The following GALNT17 variants were observed in gnomAD, a reference collection of about 807,000 sequenced individuals.
GALNT17 encodes polypeptide N-acetylgalactosaminyltransferase 17, also known as UDP-GalNAc:polypeptide N-acetylgalactosaminyltransferase-like 3.
GALNT17 carries 29 observed loss-of-function variants against 63.7 expected under a neutral mutation model. The observed-to-expected ratio is 0.46, with a 90% CI of 0.34 to 0.62. The LOEUF is 0.62. Ranked by LOEUF, GALNT17 falls within the 20% of genes least tolerant of loss-of-function variation. The pLI is 0.01. For missense variants in GALNT17, 603 were observed against 799.6 expected (o/e 0.75, Z 2.97); for synonymous variants, 305 against 318.3 (o/e 0.96, Z 0.45).
chr7:71,255,621 A>G (rs774012735), intron 1 of GALNT17, among the ~76,000 whole-genome samples: 2 of 152,156 alleles, frequency 1.3e-5, no homozygotes, highest in Non-Finnish European at 2.9e-5. Flanking sequence ...TAACCTGGAA[A>G]ATGCTTGTGA....
chr7:71,135,148 G>A (rs1787759659), intron 1 of GALNT17, among the ~76,000 whole-genome samples: 1 of 152,050 alleles, frequency 6.6e-6, no homozygotes, highest in African/African-American at 2.4e-5. Flanking sequence ...CACCATGCCT[G>A]GCCCCAGTAT....
intron 5 of GALNT17, among the ~76,000 whole-genome samples, chr7:71,433,982 G>C (rs999131755): frequency 6.6e-6 from 1 of 152,172 alleles, no homozygotes; most frequent in Non-Finnish European, 1.5e-5. Context: ...GATTGGCTGA[G>C]TCTTCTGGCC....
Position 71,245,181 on chromosome 7 carries a change from G to A in GALNT17, c.239-90369G>A, listed in dbSNP as rs151238992. On this transcript the variant is annotated intron_variant, in intron 1 of 10. Transcript: ENST00000333538. ...ATCTGCCCTCGTCCTCCATCCACTC[G>A]CTTGGTGGAGCCTTTGTCATTGTCG... 3.7e-3 allele frequency among the ~76,000 whole-genome samples: 564 copies of A among 152,122 alleles called. 7 individuals are homozygous for A. The highest frequency in any genetic ancestry group is 0.013 in the African/African-American group (552 of 41,494).
chr7:71,352,525 A>G (rs1042041821), intron 2 of GALNT17, among the ~76,000 whole-genome samples: 6 of 152,180 alleles, frequency 3.9e-5, no homozygotes, highest in Non-Finnish European at 7.3e-5. Context: ...TAAGAATTCT[A>G]CTTGGGATTT....
At chr7:71,599,408 G>A (rs1789933226) in intron 6 of GALNT17, among the ~76,000 whole-genome samples, 1 of 152,166 alleles carries the variant, frequency 6.6e-6, no homozygotes, top group African/African-American at 2.4e-5. Context: ...GTCTGAGCAG[G>A]GCCTGTGAGC....
chr7:71,604,040 G>C (rs1790009371), intron 6 of GALNT17, among the ~76,000 whole-genome samples: 1 of 152,024 alleles, frequency 6.6e-6, no homozygotes, highest in Admixed American at 6.6e-5. Context: ...CAGGTCCTAT[G>C]CTAAGTGCCT....
intron 9 of GALNT17, among the ~76,000 whole-genome samples, chr7:71,688,830 C>T (rs1391372434): frequency 2.0e-5 from 3 of 152,004 alleles, no homozygotes; most frequent in African/African-American, 4.8e-5. Flanking sequence ...ACAGGCATAC[C>T]TCATTTCATA....
intron 1 of GALNT17, among the ~76,000 whole-genome samples, chr7:71,167,045 CTTTTTTTTTTTT>C (rs35735311): frequency 8.7e-5 from 10 of 115,486 alleles, no homozygotes; most frequent in Non-Finnish European, 1.6e-4. Flanking sequence ...TGGCTAAGTA[CTTTTTTTTTTTT>C]TTTTTTTTTT....
intron 1 of GALNT17, among the ~76,000 whole-genome samples, chr7:71,242,162 C>T (rs1790007011): frequency 6.6e-6 from 1 of 151,694 alleles, no homozygotes; most frequent in Non-Finnish European, 1.5e-5. Flanking sequence ...ATGAGGAGGG[C>T]ACCAAGCCAT....
chr7:71,543,311 G>C (rs758730127), intron 5 of GALNT17, among the ~76,000 whole-genome samples: 1 of 152,152 alleles, frequency 6.6e-6, no homozygotes, highest in Non-Finnish European at 1.5e-5. Context: ...CCAATATTAT[G>C]ACACTAGGTT....
rs571933243 is a variant in GALNT17 at position 71,440,101 on chromosome 7, C to T, written c.962+18996C>T. Among the ~76,000 whole-genome samples, 4 of 151,558 alleles carry T rather than the reference C, an allele frequency of 2.6e-5. No individual in the cohort carries two copies. The East Asian group carries it at 7.8e-4, about 30-fold the overall frequency. The stretch of plus-strand genomic sequence containing the variant: ...GCGCCACCACGCCTGGCTAATTTTT[C>T]GTATTTTTAGTAGGGGCAGGATTTC... On this transcript the variant is annotated intron_variant, in intron 5 of 10. Coordinates refer to ENST00000333538, the MANE Select transcript of GALNT17 (RefSeq NM_022479.3).
At chr7:71,515,456 C>A (rs1788429837) in intron 5 of GALNT17, among the ~76,000 whole-genome samples, 1 of 152,210 alleles carries the variant, frequency 6.6e-6, no homozygotes, top group Non-Finnish European at 1.5e-5. Context: ...CTGTCTTTTA[C>A]TTTCTCCTGA....
chr7:71,209,705 A>G (rs1238583017), intron 1 of GALNT17, among the ~76,000 whole-genome samples: 1 of 151,886 alleles, frequency 6.6e-6, no homozygotes, highest in Non-Finnish European at 1.5e-5. Context: ...CATATTGCCT[A>G]TATTAGTCCG....
rs981706766 is a variant in GALNT17, at chr7:71,191,013, C to A, written c.238+57973C>A. Reference sequence around the variant, plus strand: ...GGCCCGGTTCAGAGGTAAGATCCTGCCCTTGTGTTTCTTGGAATTTTTTTC... The same window carrying A: ...GGCCCGGTTCAGAGGTAAGATCCTGACCTTGTGTTTCTTGGAATTTTTTTC... On this transcript the variant is annotated intron_variant, in intron 1 of 10. Coordinates refer to ENST00000333538, the MANE Select transcript of GALNT17 (RefSeq NM_022479.3). Among the ~76,000 whole-genome samples the A allele has an allele frequency of 2.6e-5, 4 of 152,202 alleles. No homozygotes were observed. In the East Asian group the frequency reaches 7.7e-4, roughly 29 times the overall value.
At chr7:71,165,556 G>A (rs1788425036) in intron 1 of GALNT17, among the ~76,000 whole-genome samples, 1 of 152,150 alleles carries the variant, frequency 6.6e-6, no homozygotes, top group Non-Finnish European at 1.5e-5. Context: ...CACGACAATA[G>A]CACCGGAAAG....
At chr7:71,443,339 G>A (rs1787102082) in intron 5 of GALNT17, among the ~76,000 whole-genome samples, 1 of 152,080 alleles carries the variant, frequency 6.6e-6, no homozygotes, top group Admixed American at 6.6e-5. Context: ...CTGTTTCTCT[G>A]TAGAGTTAGG....
chr7:71,428,403 A>G (rs1247809646), intron 5 of GALNT17, among the ~76,000 whole-genome samples: 1 of 151,424 alleles, frequency 6.6e-6, no homozygotes, highest in Non-Finnish European at 1.5e-5. Context: ...AGGTTCATTC[A>G]TGCATCAGAA....
At chr7:71,582,623 A>G (rs2116901759) in intron 6 of GALNT17, among the ~76,000 whole-genome samples, 1 of 152,262 alleles carries the variant, frequency 6.6e-6, no homozygotes, top group South Asian at 2.1e-4. Flanking sequence ...ATACAATGGA[A>G]TACTACTCGG....
intron 5 of GALNT17, among the ~76,000 whole-genome samples, chr7:71,468,866 T>C (rs2116607042): frequency 6.6e-6 from 1 of 152,316 alleles, no homozygotes; most frequent in South Asian, 2.1e-4. Context: ...ATTTGCTCAA[T>C]AAAAAATTTG....
Sources: allele counts gnomAD v4.1 joint callset (sites outside exome capture counted in the v4.1 genomes callset), GRCh38; gene constraint gnomAD v4.1.1; transcripts MANE v1.5; gene names NCBI Gene and HGNC (gene_info 2026-07-23, HGNC 2026-07-21).